ADGRL2: variants seen among roughly 807,000 people sequenced by gnomAD.
ADGRL2 encodes calcium-independent alpha-latrotoxin receptor 2.
In ADGRL2, 44 loss-of-function variants were observed where a neutral mutation model predicts 157.4. The ratio of observed to expected loss-of-function variants is 0.28; its 90% CI spans 0.22 to 0.36. The LOEUF (loss-of-function observed/expected upper bound fraction) is 0.36, where lower values mean the gene tolerates loss of function less well. Among genes scored for constraint, ADGRL2 ranks in the 10% least tolerant of loss-of-function variants. ADGRL2 has a pLI of 1.00. For missense variants in ADGRL2, 1,510 were observed against 1,768.9 expected, an observed-to-expected ratio of 0.85 and a Z score of 2.63; for synonymous variants, 585 against 624.7, an observed-to-expected ratio of 0.94 and a Z score of 0.95.
chr1:81,588,143 T>C lies in ADGRL2; in HGVS notation c.-143+7163T>C, dbSNP rs80339642. 2.7e-3 allele frequency among the ~76,000 whole-genome samples: 409 copies of C among 152,252 alleles called. 1 individual carries two copies. Among genetic ancestry groups the C allele is most frequent in the African/African-American group, 9.5e-3 (396 of 41,562 alleles). The stretch of plus-strand genomic sequence containing the variant: ...GATGAAAACTGGCCTTAGCTGAGCC[T>C]GCTCCTTTGGGGAGCTCTAGAGCAC... On this transcript the variant is annotated intron_variant, in intron 3 of 24. Transcript: ENST00000370721.
chr1:81,831,367 G>T lies in ADGRL2; in HGVS notation c.-100-5518G>T, dbSNP rs191444191. On this transcript the variant is annotated intron_variant, in intron 1 of 23. Transcript: ENST00000686636. ...TAATATTTAGCTGTTATTACCTAAG[G>T]GATGTTTAGCTCATGTAAACATTTT... is the stretch of plus-strand genomic sequence containing the variant. 3.9e-3 allele frequency among the ~76,000 whole-genome samples: 591 copies of T among 152,132 alleles called. 5 individuals are homozygous for T. The highest frequency in any genetic ancestry group is 3.5e-3 in the South Asian group (17 of 4,820).
intron 1 of ADGRL2, among the ~76,000 whole-genome samples, chr1:81,413,195 G>C (rs2076977725): frequency 6.6e-6 from 1 of 152,016 alleles, no homozygotes; most frequent in Non-Finnish European, 1.5e-5. Flanking sequence ...TGAAGGTTTG[G>C]CTTCTAGAAC....
At chr1:81,537,485 C>T (rs1354928382) in intron 2 of ADGRL2, among the ~76,000 whole-genome samples, 1 of 151,780 alleles carries the variant, frequency 6.6e-6, no homozygotes, top group Non-Finnish European at 1.5e-5. Flanking sequence ...GGGGTTTCTC[C>T]ACGTTGGTCA....
At chr1:81,514,526 T>G (rs1234683520) in intron 2 of ADGRL2, 1 of 152,172 alleles carries the variant, frequency 6.6e-6, no homozygotes, top group African/African-American at 2.4e-5. Flanking sequence ...TTTTCAACTT[T>G]GGGGGTTTCA....
chr1:81,556,295 A>C (rs1351559842), intron 2 of ADGRL2, among the ~76,000 whole-genome samples: 1 of 144,988 alleles, frequency 6.9e-6, no homozygotes, highest in Non-Finnish European at 1.5e-5. Flanking sequence ...TCATCCCCCG[A>C]TTCTCAGGCT....
chr1:81,719,536 A>T (rs149870254), intron 1 of ADGRL2, among the ~76,000 whole-genome samples: 302 of 152,204 alleles, frequency 2.0e-3, no homozygotes, highest in African/African-American at 6.5e-3. Flanking sequence ...GGCTGTTATC[A>T]TGTCAAATCT....
intron 3 of ADGRL2, among the ~76,000 whole-genome samples, chr1:81,673,285 C>T (rs1012140290): frequency 1.3e-5 from 2 of 152,066 alleles, no homozygotes; most frequent in African/African-American, 2.4e-5. Flanking sequence ...CCAATATACC[C>T]TCATTCATAC....
At chr1:81,427,543 A>G in intron 1 of ADGRL2, 1 of 748,000 alleles carries the variant, frequency 1.3e-6, no homozygotes, top group Non-Finnish European at 2.5e-6. Flanking sequence ...TGGTGGAAGA[A>G]GCTCATCCCT....
intron 2 of ADGRL2, among the ~76,000 whole-genome samples, chr1:81,530,485 C>G (rs547276589): frequency 2.6e-5 from 4 of 152,118 alleles, no homozygotes; most frequent in African/African-American, 9.6e-5. Flanking sequence ...GTAGCTGGGA[C>G]CACAGGTATG....
intron 1 of ADGRL2, among the ~76,000 whole-genome samples, chr1:81,724,499 C>G (rs1448381240): frequency 1.3e-5 from 2 of 152,104 alleles, no homozygotes. Flanking sequence ...TTCAGCTCTT[C>G]CTTAAATAGT....
intron 3 of ADGRL2, among the ~76,000 whole-genome samples, chr1:81,608,155 G>A (rs2081471295): frequency 6.6e-6 from 1 of 152,132 alleles, no homozygotes; most frequent in Non-Finnish European, 1.5e-5. Flanking sequence ...CTGATTTTCA[G>A]TGCATTTGCT....
chr1:81,777,728 A>C (rs1353696), intron 2 of ADGRL2, among the ~76,000 whole-genome samples: 45,075 of 152,086 alleles, frequency 0.3, 7,593 homozygotes, highest in East Asian at 0.77. Flanking sequence ...ATGCCATTGC[A>C]CTCCAGCCTG....
At chr1:81,444,032 C>T (rs1052224552) in intron 1 of ADGRL2, among the ~76,000 whole-genome samples, 12 of 152,194 alleles carry the variant, frequency 7.9e-5, no homozygotes, top group Admixed American at 1.3e-4. Context: ...AAGAAAAGGT[C>T]CGGAGACCCA....
intron 3 of ADGRL2, among the ~76,000 whole-genome samples, chr1:81,597,036 T>C (rs778186980): frequency 1.2e-4 from 19 of 152,192 alleles, no homozygotes; most frequent in Non-Finnish European, 2.2e-4. Flanking sequence ...GTCCCTGCCC[T>C]GTGAATTTAT....
chr1:81,463,753 G>A (rs573330085), intron 2 of ADGRL2, among the ~76,000 whole-genome samples: 1 of 152,306 alleles, frequency 6.6e-6, no homozygotes, highest in East Asian at 1.9e-4. Context: ...ACTTCACAAG[G>A]TCGTGTTCAA....
At chr1:81,636,853 T>C (rs972777895) in intron 3 of ADGRL2, among the ~76,000 whole-genome samples, 1 of 152,162 alleles carries the variant, frequency 6.6e-6, no homozygotes, top group Non-Finnish European at 1.5e-5. Context: ...TTGTTGGTGT[T>C]CAAACAGAGT....
At chr1:81,456,744 A>G (rs2077816345) in intron 2 of ADGRL2, among the ~76,000 whole-genome samples, 1 of 151,310 alleles carries the variant, frequency 6.6e-6, no homozygotes, top group Admixed American at 6.6e-5. Flanking sequence ...TTTGACCATC[A>G]TTGTGTAACT....
chr1:81,960,137 C>A (rs1484822700), intron 11 of ADGRL2, among the ~76,000 whole-genome samples: 1 of 151,944 alleles, frequency 6.6e-6, no homozygotes, highest in Non-Finnish European at 1.5e-5. Context: ...TCTTTGCATA[C>A]TAAAAAAAAT....
intron 2 of ADGRL2, among the ~76,000 whole-genome samples, chr1:81,544,639 T>C (rs10157342): frequency 0.021 from 3,270 of 152,302 alleles, 56 homozygotes; most frequent in Non-Finnish European, 0.031. Flanking sequence ...AATAATGTCC[T>C]AATTAATTTC....
Sources: gnomAD v4.1 joint callset for allele counts (sites outside exome capture counted in the v4.1 genomes callset) on GRCh38, gnomAD v4.1.1 for gene constraint, MANE v1.5 for transcripts, NCBI Gene and HGNC (gene_info 2026-07-23, HGNC 2026-07-21) for gene names.